PRKCE: variants seen among roughly 807,000 people sequenced by gnomAD.
PRKCE encodes protein kinase C epsilon, also known as protein kinase C epsilon type.
A neutral mutation model predicts 85.4 loss-of-function variants in PRKCE; 16 were observed. The observed-to-expected ratio is 0.19, with a 90% CI of 0.13 to 0.28. The LOEUF is 0.28. PRKCE is among the 10% of genes least tolerant of loss of function. The probability of loss-of-function intolerance (pLI) is 1.00; values close to 1 mark genes in which losing one functional copy is unlikely to be tolerated. For synonymous variants in PRKCE, 388 were observed against 371.5 expected (o/e 1.04, Z -0.51); for missense variants, 573 against 975.2 (o/e 0.59, Z 5.49).
chr2:45,878,680 T>C (rs533535069), intron 2 of PRKCE, among the ~76,000 whole-genome samples: 7 of 152,354 alleles, frequency 4.6e-5, no homozygotes, highest in African/African-American at 1.7e-4. Flanking sequence ...TTGACTCAAA[T>C]AACCTACTCT....
At chr2:45,944,143 A>G (rs191149333) in intron 2 of PRKCE, among the ~76,000 whole-genome samples, 147 of 152,296 alleles carry the variant, frequency 9.7e-4, no homozygotes, top group Non-Finnish European at 1.8e-3. Context: ...ATTGATCCCA[A>G]AGCCTTTTAG....
intron 2 of PRKCE, among the ~76,000 whole-genome samples, chr2:45,958,056 C>T (rs1701092472): frequency 6.6e-6 from 1 of 151,584 alleles, no homozygotes; most frequent in Admixed American, 6.6e-5. Flanking sequence ...TTTGAGCATG[C>T]CTTCTGGCTA....
At chr2:45,850,468 T>C (rs1259104218) in intron 2 of PRKCE, among the ~76,000 whole-genome samples, 1 of 152,218 alleles carries the variant, frequency 6.6e-6, no homozygotes, top group Non-Finnish European at 1.5e-5. Flanking sequence ...CCAAAATGGG[T>C]TCTAATTTAA....
intron 1 of PRKCE, among the ~76,000 whole-genome samples, chr2:45,791,597 A>G (rs985123704): frequency 6.6e-6 from 1 of 152,192 alleles, no homozygotes; most frequent in African/African-American, 2.4e-5. Context: ...TCTTGAGTAA[A>G]CAAATAGTAG....
At chr2:46,101,489 C>T (rs1421018050) in intron 11 of PRKCE, among the ~76,000 whole-genome samples, 1 of 152,144 alleles carries the variant, frequency 6.6e-6, no homozygotes, top group East Asian at 1.9e-4. Flanking sequence ...GGAGAGGGAA[C>T]ACCAAATGGG....
chr2:46,148,085 C>G (rs1676258645), intron 12 of PRKCE, among the ~76,000 whole-genome samples: 1 of 152,240 alleles, frequency 6.6e-6, no homozygotes, highest in Admixed American at 6.5e-5. Context: ...GGCATGAGGT[C>G]TGCCCCAAGG....
intron 11 of PRKCE, among the ~76,000 whole-genome samples, chr2:46,100,381 G>T (rs1319690242): frequency 1.3e-5 from 2 of 152,148 alleles, no homozygotes; most frequent in African/African-American, 4.8e-5. Flanking sequence ...AAAACAAATA[G>T]CTTTTGGGGG....
At chr2:45,957,469 C>T (rs1701047466) in intron 2 of PRKCE, among the ~76,000 whole-genome samples, 1 of 147,508 alleles carries the variant, frequency 6.8e-6, no homozygotes, top group Non-Finnish European at 1.5e-5. Context: ...ATCTATTTGC[C>T]TATGTGTTTG....
intron 1 of PRKCE, among the ~76,000 whole-genome samples, chr2:45,777,002 C>T (rs183981429): frequency 6.6e-6 from 1 of 152,236 alleles, no homozygotes; most frequent in East Asian, 1.9e-4. Flanking sequence ...AGTGCAGGGT[C>T]TCATGGCTTG....
intron 1 of PRKCE, among the ~76,000 whole-genome samples, chr2:45,680,887 C>T (rs535330987): frequency 8.5e-5 from 13 of 152,284 alleles, no homozygotes; most frequent in South Asian, 2.1e-4. Flanking sequence ...CTTCATTCAA[C>T]GTTTATTGAC....
At chr2:45,780,479 G>C (rs772420325) in intron 1 of PRKCE, among the ~76,000 whole-genome samples, 1 of 152,154 alleles carries the variant, frequency 6.6e-6, no homozygotes, top group Non-Finnish European at 1.5e-5. Flanking sequence ...TGATTTCTTG[G>C]CATAAAGATG....
At chr2:46,141,164 A>G (rs550127990) in intron 11 of PRKCE, among the ~76,000 whole-genome samples, 1 of 152,236 alleles carries the variant, frequency 6.6e-6, no homozygotes, top group African/African-American at 2.4e-5. Context: ...ACCCTCACAT[A>G]TGTGCAAAAT....
At chr2:45,809,880 C>CAAA (rs113619343) in intron 1 of PRKCE, among the ~76,000 whole-genome samples, 9 of 127,552 alleles carry the variant, frequency 7.1e-5, no homozygotes, top group African/African-American at 2.6e-4. Flanking sequence ...GACTCCATCT[C>CAAA]AAAAAAAAAA....
At chr2:46,165,949 A>T (rs2104620562) in intron 14 of PRKCE, among the ~76,000 whole-genome samples, 1 of 152,354 alleles carries the variant, frequency 6.6e-6, no homozygotes, top group Middle Eastern at 3.4e-3. Context: ...AGTTTGCTTC[A>T]GTGTGAATGT....
intron 2 of PRKCE, among the ~76,000 whole-genome samples, chr2:45,861,480 A>G (rs1358205273): frequency 6.6e-6 from 1 of 152,196 alleles, no homozygotes; most frequent in Non-Finnish European, 1.5e-5. Flanking sequence ...TATACATTAT[A>G]TATACATACA....
intron 1 of PRKCE, among the ~76,000 whole-genome samples, chr2:45,699,785 A>T (rs770006262): frequency 6.6e-6 from 1 of 152,058 alleles, no homozygotes; most frequent in Non-Finnish European, 1.5e-5. Flanking sequence ...CTTAGAGGAG[A>T]CTGTGCTGTT....
chr2:46,134,466 A>G (rs146148980), intron 11 of PRKCE, among the ~76,000 whole-genome samples: 1 of 152,334 alleles, frequency 6.6e-6, no homozygotes, highest in African/African-American at 2.4e-5. Context: ...CTGGGGTGCC[A>G]TTGAAGAATG....
chr2:45,803,905 C>G (rs962385983), intron 1 of PRKCE, among the ~76,000 whole-genome samples: 1 of 152,206 alleles, frequency 6.6e-6, no homozygotes, highest in Non-Finnish European at 1.5e-5. Flanking sequence ...ATTCTGTACA[C>G]AGGATGTTGT....
At chr2:45,696,166 G>T (rs1164144139) in intron 1 of PRKCE, among the ~76,000 whole-genome samples, 1 of 142,800 alleles carries the variant, frequency 7.0e-6, no homozygotes. Context: ...GTGTTGCACA[G>T]GCTGGTCTTG....
Sources: gnomAD v4.1 joint callset for allele counts (sites outside exome capture counted in the v4.1 genomes callset) on GRCh38, gnomAD v4.1.1 for gene constraint, MANE v1.5 for transcripts, NCBI Gene and HGNC (gene_info 2026-07-23, HGNC 2026-07-21) for gene names.